Variants in PATL1 observed in about 807,000 individuals in gnomAD.
The protein encoded by PATL1 is PAT1 homolog 1, processing body mRNA decay factor.
PATL1 carries 32 observed loss-of-function variants against 100.6 expected under a neutral mutation model. That is an observed-to-expected ratio of 0.32 (90% CI 0.24 to 0.43). The LOEUF is 0.43. PATL1 is among the 20% of genes least tolerant of loss of function. The probability of loss-of-function intolerance (pLI) is 1.00; values close to 1 mark genes in which losing one functional copy is unlikely to be tolerated. For missense variants in PATL1, 747 were observed against 949.9 expected (o/e 0.79, Z 2.81); for synonymous variants, 332 against 330.0 (o/e 1.01, Z -0.07).
intron 15 of PATL1, among the ~76,000 whole-genome samples, chr11:59,646,278 ATT>A (rs35277057): frequency 1.0e-3 from 138 of 133,736 alleles, no homozygotes; most frequent in Middle Eastern, 3.8e-3. Context: ...CATTTGTGGA[ATT>A]TTTTTTTTTT....
chr11:59,657,917 G>A (rs1454830639), intron 4 of PATL1, among the ~76,000 whole-genome samples, 193 bp from the exon 5 acceptor site: 1 of 152,006 alleles, frequency 6.6e-6, no homozygotes, highest in Non-Finnish European at 1.5e-5. Context: ...AAATCCCAGC[G>A]CCTTGGGAGG....
At chr11:59,666,745 C>A in intron 2 of PATL1, 108 bp downstream of exon 2, 1 of 1,174,734 alleles carries the variant, frequency 8.5e-7, no homozygotes, top group Non-Finnish European at 1.2e-6. Context: ...AATATCTTGC[C>A]AAGTTAGTGA....
chr11:59,661,961 C>T (rs930159208), intron 2 of PATL1, among the ~76,000 whole-genome samples: 1 of 152,160 alleles, frequency 6.6e-6, no homozygotes, highest in African/African-American at 2.4e-5. Flanking sequence ...ATAATTAATA[C>T]TGTAATAACA....
chr11:59,656,276 T>C (rs888622450), intron 6 of PATL1, among the ~76,000 whole-genome samples: 3 of 152,158 alleles, frequency 2.0e-5, no homozygotes, highest in Non-Finnish European at 4.4e-5. Context: ...AGGAACCAGA[T>C]GATCACAATG....
chr11:59,656,121 A>G, intron 6 of PATL1, 76 bp from the exon 7 acceptor site: 1 of 856,742 alleles, frequency 1.2e-6, no homozygotes. Context: ...AACTCAGCAG[A>G]AATGCAGTAT....
chr11:59,646,036 C>T (rs1024766848), intron 15 of PATL1, among the ~76,000 whole-genome samples: 1 of 152,166 alleles, frequency 6.6e-6, no homozygotes, highest in East Asian at 1.9e-4. Context: ...TATCTTTTAG[C>T]ACCTAGAACT....
In PATL1 at chr11:59,658,918, A is replaced by G. The variant is rs369075650; in HGVS notation, c.374T>C (p.Ile125Thr). 3.0e-4 allele frequency: 463 copies of G among 1,550,240 alleles called. No homozygotes were observed. Among genetic ancestry groups the G allele is most frequent in the Non-Finnish European group, 3.8e-4 (435 of 1,146,710 alleles). ...CCTCAGAACTTCAGATCCATCCCAG[A>G]TACTGGAATTCAGACTTCCTGGTTG... ...QPQPGSLNSS[I>T]WDGSEVLRRI... The change falls in exon 4 of 19, where the codon ATC becomes ACC. Residue 125 changes from isoleucine to threonine, a missense_variant. Physicochemically the swap from Ile to Thr is moderately conservative, Grantham distance 89 (BLOSUM62 -1). This residue lies in a region of PATL1 where 183 missense variants were observed against 221.2 expected (regional missense o/e 0.83). Transcript: ENST00000300146.
chr11:59,642,921 C>G lies in PATL1; in HGVS notation c.2008G>C (p.Ala670Pro). 6.2e-7 allele frequency: 1 copy of G among 1,613,908 alleles called. No homozygotes were observed. The highest frequency in any genetic ancestry group is 8.5e-7 in the Non-Finnish European group (1 of 1,179,858). The change falls in exon 16 of 19, where the codon GCA (alanine) becomes CCA (proline). Residue 670 changes from alanine (A) to proline (P), a missense_variant. Coordinates refer to ENST00000300146, the MANE Select transcript of PATL1 (RefSeq NM_152716.3). Reference sequence around the variant, plus strand: ...GCAGTGAGGTGAGGATTGGAGAGTGCTGGTGTAGCTGCACTTTGAGGTAGG... The same window carrying G: ...GCAGTGAGGTGAGGATTGGAGAGTGGTGGTGTAGCTGCACTTTGAGGTAGG... ...MNLPQSAATP[A>P]LSNPHLTAVL...
At chr11:59,638,806 G>A (rs944086728) in intron 18 of PATL1, among the ~76,000 whole-genome samples, 5 of 151,896 alleles carry the variant, frequency 3.3e-5, no homozygotes, top group Non-Finnish European at 5.9e-5. Context: ...TCAGCCTACC[G>A]AATAGCTGGG....
intron 15 of PATL1, among the ~76,000 whole-genome samples, chr11:59,645,698 G>T (rs1364773800): frequency 6.6e-6 from 1 of 152,020 alleles, no homozygotes; most frequent in Non-Finnish European, 1.5e-5. Flanking sequence ...AAATATATTT[G>T]ATATATTTCA....
rs1590702967 is a variant in PATL1, at chr11:59,658,831, T to C, written c.426+35A>G. 2.0e-6 allele frequency: 3 copies of C among 1,494,072 alleles called. No individual in the cohort carries two copies. In the Middle Eastern group the frequency reaches 6.3e-4, roughly 313 times the overall value. 92.6% of individuals were successfully genotyped at this position (1,494,072 alleles called of 1,614,324 possible). On this transcript the variant is annotated intron_variant, in intron 4 of 18. Transcript: ENST00000300146. ...GACAGGAACTTAAAATTTTTGGATATTATAAATTTTATGTAAAGAGAAAAT... is the reference window on the plus strand; with the variant it reads ...GACAGGAACTTAAAATTTTTGGATACTATAAATTTTATGTAAAGAGAAAAT...
In PATL1 at chr11:59,655,509, T is replaced by C. The variant is rs367615192; in HGVS notation, c.1031+14A>G. On this transcript the variant is annotated intron_variant, in intron 8 of 18. Transcript: ENST00000300146. Reference sequence around the variant, plus strand: ...GGCTGATAACTGATAAACAGTGGCGTTGATTTTGTATACCTTAGGTTTTGC... The same window carrying C: ...GGCTGATAACTGATAAACAGTGGCGCTGATTTTGTATACCTTAGGTTTTGC... 1.2e-4 allele frequency: 184 copies of C among 1,537,990 alleles called. No homozygotes were observed. The highest frequency in any genetic ancestry group is 9.2e-4 in the African/African-American group (67 of 73,038).
chr11:59,668,877 T>A lies in PATL1; in HGVS notation c.15+4A>T. 1 of 1,247,014 alleles carries A rather than the reference T, an allele frequency of 8.0e-7. No homozygotes were observed. The highest frequency in any genetic ancestry group is 1.1e-6 in the Non-Finnish European group (1 of 936,756). 77.2% of individuals were successfully genotyped at this position (1,247,014 alleles called of 1,614,324 possible). A position where few individuals can be genotyped will look rare whatever the true frequency, so the allele number is the denominator to read the frequency against. ...AGGGGTCACTTCCGGTCGCAACAGC[T>A]CACCTCGTAGCGGAACATTCTTGGG... On this transcript the variant is annotated splice_donor_region_variant and intron_variant, in intron 1 of 18. Transcript: ENST00000300146.
chr11:59,651,610 G>T lies in PATL1; in HGVS notation c.1458C>A (p.Thr486=), dbSNP rs190698539. The change falls in exon 12 of 19, where the codon ACC becomes ACA. Residue 486 remains threonine, a synonymous_variant. Transcript: ENST00000300146. ...TTCGGGGATTATTCACACTAGAAAC[G>T]GTAAGCTTTCCCAAAGAGCCCTCAA... The part of the protein sequence containing the change: ...VQFEGSLGKL[T]VSSVNNPRKM... 1 of 1,611,548 alleles carries T rather than the reference G, an allele frequency of 6.2e-7. No homozygotes were observed.
chr11:59,654,617 G>A (rs542282044), intron 8 of PATL1, among the ~76,000 whole-genome samples: 1 of 152,032 alleles, frequency 6.6e-6, no homozygotes, highest in Admixed American at 6.6e-5. Context: ...AGTGAATTAG[G>A]AGTAAAGCAG....
rs187506564 is a variant in PATL1, at chr11:59,640,099, T to C, written c.2050-716A>G. ...GCTCATGCCTGTAATCCCAGCACTA[T>C]GGGAGGCCAAGGTGGGTGGATGACC... On this transcript the variant is annotated intron_variant, in intron 16 of 18. Transcript: ENST00000300146. Among the ~76,000 whole-genome samples, 510 of 152,246 alleles carry C rather than the reference T, an allele frequency of 3.3e-3. 5 individuals carry two copies. Among genetic ancestry groups the C allele is most frequent in the African/African-American group, 0.011 (457 of 41,554 alleles).
intron 16 of PATL1, among the ~76,000 whole-genome samples, chr11:59,640,193 T>C (rs1861256133): frequency 6.6e-6 from 1 of 151,582 alleles, no homozygotes; most frequent in Non-Finnish European, 1.5e-5. Context: ...AATAGAAAAT[T>C]AGCCAGGCAC....
In PATL1 at chr11:59,659,247, C is replaced by T; in HGVS notation, c.345+5G>A. 1 of 1,550,684 alleles carries T rather than the reference C, an allele frequency of 6.4e-7. No homozygotes were observed. Among genetic ancestry groups the T allele is most frequent in the Non-Finnish European group, 8.7e-7 (1 of 1,146,212 alleles). ...ATAGTTCTCAAATCACAGTAACTTACTTACTTGTAAAACTGGCCTGGTCTG... is the reference window on the plus strand; with the variant it reads ...ATAGTTCTCAAATCACAGTAACTTATTTACTTGTAAAACTGGCCTGGTCTG... On this transcript the variant is annotated splice_donor_5th_base_variant and intron_variant, in intron 3 of 18. Transcript: ENST00000300146.
chr11:59,666,616 G>A (rs913087727), intron 2 of PATL1, among the ~76,000 whole-genome samples: 3 of 152,126 alleles, frequency 2.0e-5, no homozygotes, highest in African/African-American at 7.2e-5. Context: ...TCATATAGCT[G>A]GAAGGGGCAA....
Sources: allele counts gnomAD v4.1 joint callset (sites outside exome capture counted in the v4.1 genomes callset), GRCh38; gene constraint gnomAD v4.1.1; regional missense constraint gnomAD v4.1.1; transcripts MANE v1.5; gene names NCBI Gene and HGNC (gene_info 2026-07-23, HGNC 2026-07-21).